CREBBP: variants seen among roughly 807,000 people sequenced by gnomAD.
The protein encoded by CREBBP is CREB-binding protein.
In CREBBP, 19 loss-of-function variants were observed where a neutral mutation model predicts 265.0. That is an observed-to-expected ratio of 0.07 (90% confidence interval 0.05 to 0.11). CREBBP has a LOEUF of 0.11. Ranked by LOEUF, CREBBP falls within the 10% of genes least tolerant of loss-of-function variation. CREBBP has a pLI of 1.00. For synonymous variants in CREBBP, 1,457 were observed against 1,223.7 expected (o/e 1.19, Z -3.98); for missense variants, 2,525 against 3,219.0 (o/e 0.78, Z 5.22).
intron 12 of CREBBP, 28 bp downstream of exon 12, chr16:3,774,541 C>T (rs1253497379): frequency 1.2e-6 from 2 of 1,613,624 alleles, no homozygotes; most frequent in Non-Finnish European, 1.7e-6. Flanking sequence ...GGAGGGCTAT[C>T]TGCAGCACAG....
At chr16:3,761,690 C>T (rs979828356) in intron 16 of CREBBP, 2 of 460,840 alleles carry the variant, frequency 4.3e-6, no homozygotes, top group Non-Finnish European at 8.5e-6. Context: ...ACTCCCCACG[C>T]ACACGGTCCC....
At chr16:3,799,140 A>C (rs1419353430) in intron 3 of CREBBP, among the ~76,000 whole-genome samples, 3 of 152,222 alleles carry the variant, frequency 2.0e-5, no homozygotes, top group Admixed American at 6.5e-5. Context: ...GGGGGTAGAA[A>C]GACTAGCGGT....
chr16:3,861,223 C>T (rs566673879), intron 1 of CREBBP, among the ~76,000 whole-genome samples: 3 of 152,214 alleles, frequency 2.0e-5, no homozygotes, highest in East Asian at 1.9e-4. Context: ...GAGCCGAGAT[C>T]GCGCCATTGC....
rs770432860 is a variant in CREBBP at position 3,879,988 on chromosome 16, G to C, written c.-72C>G. The C allele has an allele frequency of 6.9e-6, 10 of 1,453,670 alleles. No homozygotes were observed. The highest frequency in any genetic ancestry group is 9.4e-6 in the Non-Finnish European group (10 of 1,069,042). The allele number at this position is 1,453,670 out of a possible 1,614,324, so 90.0% of individuals were successfully genotyped here. ...GCGAGGGCCCGGACGGGGGTCGGGG[G>C]CCCTGCCGGCTGCGAGGGAGAGGAG... On this transcript the variant is annotated 5_prime_UTR_variant, in exon 1 of 31. Transcript: ENST00000262367.
chr16:3,823,165 A>T (rs936132217), intron 2 of CREBBP, among the ~76,000 whole-genome samples: 2 of 152,242 alleles, frequency 1.3e-5, no homozygotes, highest in African/African-American at 2.4e-5. Flanking sequence ...TTCTTTCTTA[A>T]TACTTTCTAT....
At chr16:3,776,211 C>T (rs2053134817) in intron 11 of CREBBP, among the ~76,000 whole-genome samples, 1 of 152,086 alleles carries the variant, frequency 6.6e-6, no homozygotes, top group South Asian at 2.1e-4. Flanking sequence ...AGCCACTGTG[C>T]CCAGCCTGAC....
intron 19 of CREBBP, among the ~76,000 whole-genome samples, chr16:3,756,176 C>G (rs955512197): frequency 6.6e-6 from 1 of 152,098 alleles, no homozygotes; most frequent in South Asian, 2.1e-4. Context: ...TAAAAAACGC[C>G]AAACCCCACT....
intron 3 of CREBBP, among the ~76,000 whole-genome samples, chr16:3,797,567 A>G (rs183442368): frequency 2.0e-5 from 3 of 152,302 alleles, no homozygotes; most frequent in Admixed American, 2.0e-4. Flanking sequence ...ATTACTAACA[A>G]TACACTGTAA....
intron 28 of CREBBP, among the ~76,000 whole-genome samples, chr16:3,733,102 C>A (rs772454961): frequency 1.2e-4 from 18 of 152,174 alleles, no homozygotes; most frequent in East Asian, 3.9e-4. Context: ...GTGGCTCACA[C>A]CTGTAATCCC....
intron 2 of CREBBP, among the ~76,000 whole-genome samples, chr16:3,819,621 G>A (rs959539177): frequency 2.0e-5 from 3 of 152,102 alleles, no homozygotes; most frequent in African/African-American, 7.2e-5. Flanking sequence ...ACAATCTTGT[G>A]CATTTGCTAT....
chr16:3,844,814 A>C (rs535778677), intron 2 of CREBBP, among the ~76,000 whole-genome samples: 1 of 152,342 alleles, frequency 6.6e-6, no homozygotes, highest in African/African-American at 2.4e-5. Flanking sequence ...AGCCAGTTAG[A>C]TAATGAAATA....
chr16:3,787,340 A>G (rs1337236863), intron 5 of CREBBP, among the ~76,000 whole-genome samples: 1 of 152,158 alleles, frequency 6.6e-6, no homozygotes, highest in Non-Finnish European at 1.5e-5. Flanking sequence ...GCGCAGTGAC[A>G]CTGCTCCTTG....
At chr16:3,770,163 C>T (rs1231282799) in intron 14 of CREBBP, among the ~76,000 whole-genome samples, 5 of 152,166 alleles carry the variant, frequency 3.3e-5, no homozygotes, top group African/African-American at 1.2e-4. Context: ...AACCACCGCG[C>T]CCAGCCTCAA....
intron 8 of CREBBP, among the ~76,000 whole-genome samples, chr16:3,779,852 C>CCAG (rs2053231964): frequency 6.6e-6 from 1 of 152,196 alleles, no homozygotes; most frequent in South Asian, 2.1e-4. Context: ...CTCATGCCAC[C>CCAG]CAGCACTTTG....
Position 3,778,589 on chromosome 16 carries a change from A to G in CREBBP, c.1941+111T>C, listed in dbSNP as rs143281785. 631 of 933,140 alleles carry G rather than the reference A, an allele frequency of 6.8e-4. 3 individuals carry two copies. In the African/African-American group the frequency reaches 9.2e-3, roughly 14 times the overall value. 57.8% of individuals were successfully genotyped at this position (933,140 alleles called of 1,614,324 possible). Reference sequence around the variant, plus strand: ...CTTGGTCAGTGGCCTCAAGGGGAGGAGTCTGTCCCAACTACATAGATTCCA... The same window carrying G: ...CTTGGTCAGTGGCCTCAAGGGGAGGGGTCTGTCCCAACTACATAGATTCCA... On this transcript the variant is annotated intron_variant, in intron 9 of 30. Coordinates refer to ENST00000262367, the MANE Select transcript of CREBBP (RefSeq NM_004380.3).
chr16:3,806,130 AG>A (rs1220758372), intron 3 of CREBBP, among the ~76,000 whole-genome samples: 2 of 152,148 alleles, frequency 1.3e-5, no homozygotes, highest in South Asian at 2.1e-4. Context: ...CCCTGGACAC[AG>A]GGGGCCCTGG....
chr16:3,745,242 C>G (rs778170727), intron 22 of CREBBP, 35 bp downstream of exon 22: 2 of 1,594,172 alleles, frequency 1.3e-6, no homozygotes, highest in Admixed American at 3.4e-5. Context: ...TGGCTCTGTG[C>G]AGAACTGCCC....
At chr16:3,781,824 A>G (rs1377575455) in intron 6 of CREBBP, among the ~76,000 whole-genome samples, 4 of 152,230 alleles carry the variant, frequency 2.6e-5, no homozygotes, top group Non-Finnish European at 2.9e-5. Context: ...TATACCATCA[A>G]CAGGAGAGGA....
At chr16:3,875,138 A>C (rs1876895701) in intron 1 of CREBBP, among the ~76,000 whole-genome samples, 1 of 151,320 alleles carries the variant, frequency 6.6e-6, no homozygotes, top group African/African-American at 2.5e-5. Flanking sequence ...TGCAGGACTC[A>C]GTCTCTTTGT....
Sources: allele counts gnomAD v4.1 joint callset (sites outside exome capture counted in the v4.1 genomes callset), GRCh38; gene constraint gnomAD v4.1.1; transcripts MANE v1.5; gene names NCBI Gene and HGNC (gene_info 2026-07-23, HGNC 2026-07-21).